Variants in TYK2 observed in about 807,000 individuals in gnomAD.
TYK2 encodes the protein tyrosine kinase 2.
TYK2 carries 65 observed loss-of-function variants against 130.9 expected under a neutral mutation model. That is an observed-to-expected ratio of 0.50 (90% CI 0.41 to 0.61). The LOEUF (loss-of-function observed/expected upper bound fraction) is 0.61. Among genes scored for constraint, TYK2 ranks in the 20% least tolerant of loss-of-function variants. The pLI is 0.00. For synonymous variants in TYK2, 647 were observed against 658.9 expected (o/e 0.98, Z 0.28); for missense variants, 1,378 against 1,610.7 (o/e 0.86, Z 2.47).
rs1313935249 is a variant in TYK2, at chr19:10,361,279, C to T, written c.2047+232G>A. The T allele has an allele frequency of 3.2e-6, 2 of 619,786 alleles. No homozygotes were observed. Among genetic ancestry groups the T allele is most frequent in the Non-Finnish European group, 5.9e-6 (2 of 340,312 alleles). The allele number at this position is 619,786 out of a possible 1,614,324, so 38.4% of individuals were successfully genotyped here. ...TTGGGAATCAGGGTGGGGGTTGAGACTGAGGGCAGGTGAGGGTCGACGTGT... is the reference window on the plus strand; with the variant it reads ...TTGGGAATCAGGGTGGGGGTTGAGATTGAGGGCAGGTGAGGGTCGACGTGT... On this transcript the variant is annotated intron_variant, in intron 14 of 24. Coordinates refer to ENST00000525621, the MANE Select transcript of TYK2 (RefSeq NM_003331.5). The surrounding 1 kb of genome is among the most constrained non-coding windows in gnomAD (Gnocchi z 4.0).
chr19:10,376,896 C>T (rs12720344), intron 3 of TYK2, among the ~76,000 whole-genome samples: 366 of 152,076 alleles, frequency 2.4e-3, no homozygotes, highest in Non-Finnish European at 3.9e-3. Context: ...GCCACCGCGC[C>T]CGGCCTGACT....
chr19:10,374,062 C>G (rs1454379156), intron 3 of TYK2, among the ~76,000 whole-genome samples: 1 of 151,788 alleles, frequency 6.6e-6, no homozygotes, highest in Non-Finnish European at 1.5e-5. Context: ...GTCAGGAGAT[C>G]GAGACCATCC....
chr19:10,378,094 A>T lies in TYK2; in HGVS notation c.193+120T>A, dbSNP rs1226456268. 9.8e-6 allele frequency: 9 copies of T among 915,924 alleles called. No individual in the cohort carries two copies. The Admixed American group carries it at 2.3e-4, about 24-fold the overall frequency. 56.7% of individuals were successfully genotyped at this position (915,924 alleles called of 1,614,324 possible). On this transcript the variant is annotated intron_variant, in intron 3 of 24. Transcript: ENST00000525621. ...GGTGGATGGGTGGATGGATGGATGG[A>T]TGGATGAGTGGGTGGATGGGTGGGT...
Position 10,368,433 on chromosome 19 carries a change from A to G in TYK2, c.194-15T>C. The G allele has an allele frequency of 6.2e-7, 1 of 1,614,016 alleles. No homozygotes were observed. The highest frequency in any genetic ancestry group is 8.5e-7 in the Non-Finnish European group (1 of 1,179,966). ...AGGAGTGATACCTGGATCAGGTGAGAAACGAGGTCAGGAGTCACGTCATTT... is the reference window on the plus strand; with the variant it reads ...AGGAGTGATACCTGGATCAGGTGAGGAACGAGGTCAGGAGTCACGTCATTT... On this transcript the variant is annotated splice_polypyrimidine_tract_variant and intron_variant, in intron 3 of 24. Transcript: ENST00000525621.
rs138742402 is a variant in TYK2, at chr19:10,368,168, G to T, written c.352C>A (p.Arg118=). ...YFRNWHGMNP[R]EPAVYRCGPP... is the part of the protein sequence containing the mutation. ...CCACAACGGTACACAGCCGGTTCCC[G>T]AGGATTCATGCCATGCCAGTTCCGG... The change falls in exon 5 of 25, where the codon CGG becomes AGG. Residue 118 remains arginine, a synonymous_variant. Transcript: ENST00000525621. 19 of 1,614,132 alleles carry T rather than the reference G, an allele frequency of 1.2e-5. No homozygotes were observed. The highest frequency in any genetic ancestry group is 1.6e-5 in the Non-Finnish European group (19 of 1,180,030).
chr19:10,368,110 G>C lies in TYK2; in HGVS notation c.410C>G (p.Thr137Arg), dbSNP rs149044054. 1 of 1,614,002 alleles carries C rather than the reference G, an allele frequency of 6.2e-7. No homozygotes were observed. The highest frequency in any genetic ancestry group is 8.5e-7 in the Non-Finnish European group (1 of 1,180,046). The change falls in exon 5 of 25, where the codon ACA (threonine) becomes AGA (arginine). Residue 137 changes from threonine to arginine, a missense_variant. By Grantham distance (71) the Thr-to-Arg change is moderately conservative. Coordinates refer to ENST00000525621, the MANE Select transcript of TYK2 (RefSeq NM_003331.5). ...GTCCAGGAGTTGCATCCCCTGTGCTGTCTGATCTGAGGATGCCTCGGTTCC... is the reference window on the plus strand; with the variant it reads ...GTCCAGGAGTTGCATCCCCTGTGCTCTCTGATCTGAGGATGCCTCGGTTCC... ...PPGTEASSDQTAQGMQLLDPA... is the reference protein window; with the variant it reads ...PPGTEASSDQRAQGMQLLDPA...
intron 19 of TYK2, 57 bp downstream of exon 19, chr19:10,354,455 C>T (rs1360713681): frequency 2.6e-6 from 4 of 1,531,048 alleles, no homozygotes; most frequent in Non-Finnish European, 3.6e-6. Flanking sequence ...TTATCCTCAA[C>T]CCCCAAACTC....
chr19:10,374,266 AAAC>A (rs1465867910), intron 3 of TYK2, among the ~76,000 whole-genome samples: 2 of 150,828 alleles, frequency 1.3e-5, no homozygotes, highest in East Asian at 3.9e-4. Flanking sequence ...ACTCTGTCTC[AAAC>A]AACACAACAA....
chr19:10,357,982 C>A, intron 16 of TYK2, 21 bp downstream of exon 16: 1 of 1,613,478 alleles, frequency 6.2e-7, no homozygotes, highest in Non-Finnish European at 8.5e-7. Context: ...CCACTGTGCC[C>A]AGGTCCCCTC....
intron 9 of TYK2, among the ~76,000 whole-genome samples, chr19:10,363,185 CTCT>C (rs889793165): frequency 7.1e-6 from 1 of 141,426 alleles, no homozygotes; most frequent in African/African-American, 2.6e-5. Context: ...TACCTGATCT[CTCT>C]TTTTTTTTTT....
intron 3 of TYK2, among the ~76,000 whole-genome samples, chr19:10,377,388 GTGGGTGGGTGGGTGGATGGA>G (rs1459367960): frequency 5.6e-5 from 6 of 106,676 alleles, no homozygotes; most frequent in African/African-American, 2.2e-4. Flanking sequence ...GGATGAATAG[GTGGGTGGGTGGGTGGATGGA>G]TGGATGGATG....
rs1313271605 is a variant in TYK2 at position 10,356,717 on chromosome 19, T to C, written c.2468A>G (p.Lys823Arg). The C allele has an allele frequency of 6.2e-7, 1 of 1,604,994 alleles. No homozygotes were observed. Among genetic ancestry groups the C allele is most frequent in the Non-Finnish European group, 8.5e-7 (1 of 1,176,174 alleles). Residue 823 changes from lysine to arginine, a missense_variant and splice_region_variant, in exon 18 of 25, where the codon AAG (lysine) becomes AGG (arginine). Physicochemically the swap from Lys to Arg is conservative, Grantham distance 26 (BLOSUM62 2). Coordinates refer to ENST00000525621, the MANE Select transcript of TYK2 (RefSeq NM_003331.5). ...APLQSRSPSE[K>R]EHFYQRQHRL... ...GTGCTGCCTCTGGTAGAAATGCTCC[T>C]TCTGTTGGGAAAGGGACCCAGAGGA...
rs12720360 is a variant in TYK2 at position 10,352,903 on chromosome 19, C to G, written c.3200+23G>C. 13,603 of 1,594,372 alleles carry G rather than the reference C, an allele frequency of 8.5e-3. 78 individuals carry two copies. Among genetic ancestry groups the G allele is most frequent in the Non-Finnish European group, 0.01 (12,126 of 1,171,490 alleles). ...GTTCCAAGTGACCCCAGCACCCCCT[C>G]AGACTGCACCCCGCCTGGTCACCAG... On this transcript the variant is annotated intron_variant, in intron 22 of 24. Coordinates refer to ENST00000525621, the MANE Select transcript of TYK2 (RefSeq NM_003331.5).
Position 10,361,196 on chromosome 19 carries a change from G to A in TYK2, c.2047+315C>T. 1 of 551,688 alleles carries A rather than the reference G, an allele frequency of 1.8e-6. No homozygotes were observed. The highest frequency in any genetic ancestry group is 3.3e-6 in the Non-Finnish European group (1 of 299,214). The allele number at this position is 551,688 out of a possible 1,614,324, so 34.2% of individuals were successfully genotyped here. ...GGCCATAGTGCTGATGGGGCCAGGA[G>A]CAGATGGGGGCTGGACTGTAGAGGT... On this transcript the variant is annotated intron_variant, in intron 14 of 24. Coordinates refer to ENST00000525621, the MANE Select transcript of TYK2 (RefSeq NM_003331.5). The surrounding 1 kb of genome is among the most constrained non-coding windows in gnomAD (Gnocchi z 4.0).
Position 10,361,639 on chromosome 19 carries a change from C to G in TYK2, c.1960-41G>C, listed in dbSNP as rs371170644. ...AGGTCAGGTGGCTGCAAAGCCGACC[C>G]CTCCCATCCCACCTCCTCCACGGAC... On this transcript the variant is annotated intron_variant, in intron 13 of 24. Transcript: ENST00000525621. This position sits in a 1 kb window ranked among gnomAD's most constrained non-coding sequence, Gnocchi z 4.0. 1 of 1,555,904 alleles carries G rather than the reference C, an allele frequency of 6.4e-7. No individual in the cohort carries two copies. The highest frequency in any genetic ancestry group is 1.4e-5 in the African/African-American group (1 of 73,448).
At chr19:10,377,185 G>T (rs1599367434) in intron 3 of TYK2, among the ~76,000 whole-genome samples, 2 of 152,272 alleles carry the variant, frequency 1.3e-5, no homozygotes, top group South Asian at 4.1e-4. Context: ...GATTACAAGT[G>T]TCAGCTACTG....
chr19:10,379,962 T>TC, intron 1 of TYK2, among the ~76,000 whole-genome samples, 183 bp from the exon 2 acceptor site: 1 of 152,066 alleles, frequency 6.6e-6, no homozygotes, highest in Non-Finnish European at 1.5e-5. Flanking sequence ...TCCAGCTCCA[T>TC]CCCCCCAATC....
Position 10,361,424 on chromosome 19 carries a change from G to A in TYK2, c.2047+87C>T. On this transcript the variant is annotated intron_variant, in intron 14 of 24. Transcript: ENST00000525621. The surrounding 1 kb of genome is among the most constrained non-coding windows in gnomAD (Gnocchi z 4.0). Reference sequence around the variant, plus strand: ...AGAAATAGGCATAGGTTGGGGTGTAGGTCGAGGGTTGGGGTACAGATCAGG... The same window carrying A: ...AGAAATAGGCATAGGTTGGGGTGTAAGTCGAGGGTTGGGGTACAGATCAGG... The A allele has an allele frequency of 5.4e-6, 7 of 1,302,520 alleles. No individual in the cohort carries two copies. In the South Asian group the frequency reaches 8.8e-5, roughly 16 times the overall value. The allele number at this position is 1,302,520 out of a possible 1,614,324, so 80.7% of individuals were successfully genotyped here. A position where few individuals can be genotyped will look rare whatever the true frequency, so the allele number is the denominator to read the frequency against.
rs1008962904 is a variant in TYK2 at position 10,365,772 on chromosome 19, C to T, written c.756G>A (p.Gln252=). 1 of 1,612,698 alleles carries T rather than the reference C, an allele frequency of 6.2e-7. No individual in the cohort carries two copies. The change falls in exon 7 of 25, where the codon CAG becomes CAA. Residue 252 remains glutamine, a synonymous_variant. Coordinates refer to ENST00000525621, the MANE Select transcript of TYK2 (RefSeq NM_003331.5). ...LRDFQPGRLS[Q]QMVMVKYLAT... ...CTAGGTATTTGACCATGACCATCTG[C>T]TGGGAGAGTCGGCCCGGCTGGAAGT...
Sources: allele counts gnomAD v4.1 joint callset (sites outside exome capture counted in the v4.1 genomes callset), GRCh38; gene constraint gnomAD v4.1.1; non-coding constraint Gnocchi (gnomAD v3.1); transcripts MANE v1.5; gene names NCBI Gene and HGNC (gene_info 2026-07-23, HGNC 2026-07-21).